The following DTWD2 variants were observed in gnomAD, a reference collection of about 807,000 sequenced individuals.
DTWD2 encodes the protein DTW motif tRNA-uridine aminocarboxypropyltransferase 2, also known as tRNA-uridine aminocarboxypropyltransferase 2.
In DTWD2, 39 loss-of-function variants were observed where a neutral mutation model predicts 31.8. The observed-to-expected ratio is 1.22, with a 90% confidence interval of 0.95 to 1.60. DTWD2 has a LOEUF of 1.60. DTWD2 is among the 40% of genes most tolerant of loss of function. The probability of loss-of-function intolerance (pLI) is 0.00; values close to 1 mark genes in which losing one functional copy is unlikely to be tolerated. For synonymous variants in DTWD2, 180 were observed against 142.8 expected, an observed-to-expected ratio of 1.26 and a Z score of -1.86; for missense variants, 515 against 381.5, an observed-to-expected ratio of 1.35 and a Z score of -2.92.
intron 3 of DTWD2, among the ~76,000 whole-genome samples, chr5:118,935,572 G>A (rs921624829): frequency 2.2e-4 from 34 of 152,190 alleles, no homozygotes; most frequent in African/African-American, 8.0e-4. Flanking sequence ...ATATTTGGGG[G>A]TCTCGGAAGT....
At chr5:118,948,594 G>C (rs548242782) in intron 1 of DTWD2, among the ~76,000 whole-genome samples, 1 of 152,306 alleles carries the variant, frequency 6.6e-6, no homozygotes, top group East Asian at 1.9e-4. Flanking sequence ...ATGGGGGTCA[G>C]GTGTGGTATC....
chr5:118,976,809 A>T (rs928565510), intron 1 of DTWD2, among the ~76,000 whole-genome samples: 5 of 152,220 alleles, frequency 3.3e-5, no homozygotes, highest in Non-Finnish European at 7.3e-5. Context: ...TAATAGAAAA[A>T]GAGGGACTCC....
At chr5:118,865,423 C>T (rs1055615210) in intron 4 of DTWD2, among the ~76,000 whole-genome samples, 1 of 151,622 alleles carries the variant, frequency 6.6e-6, no homozygotes, top group African/African-American at 2.4e-5. Flanking sequence ...ATACTATATA[C>T]CAAAAATATG....
At chr5:118,963,376 T>C (rs1452914378) in intron 1 of DTWD2, among the ~76,000 whole-genome samples, 1 of 152,082 alleles carries the variant, frequency 6.6e-6, no homozygotes, top group African/African-American at 2.4e-5. Context: ...AACAAAGGCA[T>C]GGAGCCAAAC....
Position 118,841,948 on chromosome 5 carries a change from C to G in DTWD2, c.727-861G>C, listed in dbSNP as rs191456888. On this transcript the variant is annotated intron_variant, in intron 5 of 5. Transcript: ENST00000510708. The stretch of plus-strand genomic sequence containing the variant: ...ACAAAGAAAAAACTGATAGATTTAA[C>G]TACAAAAAATTCACAATGTCTACGT... 7.5e-4 allele frequency among the ~76,000 whole-genome samples: 114 copies of G among 152,230 alleles called. 3 individuals carry two copies. In the Middle Eastern group the frequency reaches 0.01, roughly 14 times the overall value.
intron 4 of DTWD2, among the ~76,000 whole-genome samples, chr5:118,918,807 G>A (rs1220710709): frequency 6.6e-6 from 1 of 150,840 alleles, no homozygotes; most frequent in African/African-American, 2.4e-5. Flanking sequence ...GGGCAACGTG[G>A]TAAGACCCTG....
chr5:118,903,715 C>T (rs546062926), intron 4 of DTWD2, among the ~76,000 whole-genome samples: 2 of 151,810 alleles, frequency 1.3e-5, no homozygotes, highest in South Asian at 4.2e-4. Flanking sequence ...AAGATGAAAT[C>T]CCATTAAAAA....
rs1440727777 is a variant in DTWD2 at position 118,838,887 on chromosome 5, T to C, written c.*2030A>G. 6.6e-6 allele frequency: 1 copy of C among 152,012 alleles called. No homozygotes were observed. The highest frequency in any genetic ancestry group is 1.9e-4 in the East Asian group (1 of 5,196). 9.4% of individuals were successfully genotyped at this position (152,012 alleles called of 1,614,324 possible). On this transcript the variant is annotated 3_prime_UTR_variant, in exon 6 of 6. Coordinates refer to ENST00000510708, the MANE Select transcript of DTWD2 (RefSeq NM_173666.4). Reference sequence around the variant, plus strand: ...TAGGGGGAGTTTTCTTTTTAAAAAATAATAATGATGGCTGGGCACGGTCCC... The same window carrying C: ...TAGGGGGAGTTTTCTTTTTAAAAAACAATAATGATGGCTGGGCACGGTCCC...
intron 1 of DTWD2, among the ~76,000 whole-genome samples, chr5:118,985,178 C>T (rs1435970231): frequency 6.6e-6 from 1 of 152,048 alleles, no homozygotes; most frequent in Non-Finnish European, 1.5e-5. Context: ...ATTCTATACA[C>T]TAAACTCTCG....
Position 118,958,538 on chromosome 5 carries a change from A to T in DTWD2, c.219-13889T>A, listed in dbSNP as rs896497349. On this transcript the variant is annotated intron_variant, in intron 1 of 5. Coordinates refer to ENST00000510708, the MANE Select transcript of DTWD2 (RefSeq NM_173666.4). Reference sequence around the variant, plus strand: ...AGAAAAAAAGAAAATCCAAATAAAGAATCAGAAATGACAAATATAACATTA... The same window carrying T: ...AGAAAAAAAGAAAATCCAAATAAAGTATCAGAAATGACAAATATAACATTA... Among the ~76,000 whole-genome samples, 5 of 151,870 alleles carry T rather than the reference A, an allele frequency of 3.3e-5. No individual in the cohort carries two copies. In the South Asian group the frequency reaches 6.2e-4, roughly 19 times the overall value.
chr5:118,935,766 T>C (rs1164205009), intron 3 of DTWD2, among the ~76,000 whole-genome samples: 1 of 152,110 alleles, frequency 6.6e-6, no homozygotes, highest in Non-Finnish European at 1.5e-5. Flanking sequence ...GAACAAAATG[T>C]AAAAATAAAC....
chr5:118,917,304 G>T (rs998833178), intron 4 of DTWD2, among the ~76,000 whole-genome samples: 110 of 152,244 alleles, frequency 7.2e-4, no homozygotes, highest in African/African-American at 2.6e-3. Context: ...AAAAAGAGTA[G>T]CTCTAACAGG....
chr5:118,875,572 A>G (rs1287218208), intron 4 of DTWD2, among the ~76,000 whole-genome samples: 30 of 151,006 alleles, frequency 2.0e-4, no homozygotes, highest in Non-Finnish European at 4.0e-4. Flanking sequence ...TGAAAAAAAA[A>G]AAAAAAAAAA....
At chr5:118,964,737 C>A (rs1275148559) in intron 1 of DTWD2, among the ~76,000 whole-genome samples, 1 of 152,244 alleles carries the variant, frequency 6.6e-6, no homozygotes, top group East Asian at 1.9e-4. Flanking sequence ...CTCGTTCACT[C>A]AGTGCTCAAT....
At chr5:118,859,632 A>T (rs1257066249) in intron 4 of DTWD2, among the ~76,000 whole-genome samples, 1 of 152,068 alleles carries the variant, frequency 6.6e-6, no homozygotes, top group Non-Finnish European at 1.5e-5. Context: ...AATGACTGCC[A>T]TTTTTATGTA....
At chr5:118,955,003 C>T (rs1258312935) in intron 1 of DTWD2, among the ~76,000 whole-genome samples, 2 of 151,874 alleles carry the variant, frequency 1.3e-5, no homozygotes, top group Admixed American at 6.6e-5. Context: ...GTCAGGTCTT[C>T]CTTTATTATA....
intron 3 of DTWD2, among the ~76,000 whole-genome samples, chr5:118,936,748 A>G (rs1438757963): frequency 6.6e-6 from 1 of 152,126 alleles, no homozygotes; most frequent in African/African-American, 2.4e-5. Flanking sequence ...ATCCAAAGCA[A>G]GAAAAAAATT....
intron 4 of DTWD2, among the ~76,000 whole-genome samples, chr5:118,883,074 C>A (rs950544776): frequency 9.2e-5 from 14 of 152,156 alleles, no homozygotes; most frequent in African/African-American, 3.1e-4. Flanking sequence ...TTTGAGAATA[C>A]CTACATCCTG....
intron 4 of DTWD2, among the ~76,000 whole-genome samples, chr5:118,923,168 T>C (rs1470364108): frequency 4.6e-5 from 7 of 152,158 alleles, no homozygotes; most frequent in Non-Finnish European, 8.8e-5. Flanking sequence ...CTCACCTTGT[T>C]ACAGGTAGTT....
Sources: allele counts gnomAD v4.1 joint callset (sites outside exome capture counted in the v4.1 genomes callset), GRCh38; gene constraint gnomAD v4.1.1; transcripts MANE v1.5; gene names NCBI Gene and HGNC (gene_info 2026-07-23, HGNC 2026-07-21).